BIRC6: variants seen among roughly 807,000 people sequenced by gnomAD.
BIRC6 encodes the protein baculoviral IAP repeat containing 6.
In BIRC6, 98 loss-of-function variants were observed where a neutral mutation model predicts 503.3. That is an observed-to-expected ratio of 0.19 (90% CI 0.17 to 0.23). The LOEUF is 0.23. Among genes scored for constraint, BIRC6 ranks in the 10% least tolerant of loss-of-function variants. BIRC6 has a pLI of 1.00. For synonymous variants in BIRC6, 2,240 were observed against 2,078.7 expected (o/e 1.08, Z -2.11); for missense variants, 5,360 against 5,806.0 (o/e 0.92, Z 2.50).
intron 61 of BIRC6, chr2:32,532,347 G>A: frequency 2.3e-6 from 1 of 436,108 alleles, no homozygotes; most frequent in South Asian, 1.7e-5. Context: ...AGGCTGTAGG[G>A]AAGACTCCTT....
At chr2:32,531,051 T>C (rs770373253) in intron 60 of BIRC6, among the ~76,000 whole-genome samples, 2 of 152,188 alleles carry the variant, frequency 1.3e-5, no homozygotes, top group Non-Finnish European at 2.9e-5. Flanking sequence ...TTCAGTATGC[T>C]TACAAATGAC....
Position 32,602,990 on chromosome 2 carries a change from T to G in BIRC6, c.13993-16T>G. 2 of 1,593,496 alleles carry G rather than the reference T, an allele frequency of 1.3e-6. No individual in the cohort carries two copies. The highest frequency in any genetic ancestry group is 1.7e-4 in the Middle Eastern group (1 of 5,974). On this transcript the variant is annotated splice_polypyrimidine_tract_variant and intron_variant, in intron 70 of 73. Coordinates refer to ENST00000421745, the MANE Select transcript of BIRC6 (RefSeq NM_016252.4). ...ACTCTTTTTTCAATTCTGTTTATGCTTTTTTCGTTCGTCAGGTTTGTTTAA... is the reference window on the plus strand; with the variant it reads ...ACTCTTTTTTCAATTCTGTTTATGCGTTTTTCGTTCGTCAGGTTTGTTTAA...
chr2:32,438,652 T>G (rs935851255), intron 15 of BIRC6, among the ~76,000 whole-genome samples: 2 of 150,384 alleles, frequency 1.3e-5, no homozygotes, highest in African/African-American at 4.9e-5. Context: ...CTCCGCCTCC[T>G]GGGTTCACGC....
At chr2:32,598,156 G>A (rs1162867247) in intron 69 of BIRC6, among the ~76,000 whole-genome samples, 188 bp downstream of exon 69, 1 of 121,270 alleles carries the variant, frequency 8.2e-6, no homozygotes, top group Non-Finnish European at 1.6e-5. Context: ...TTTGGCGACA[G>A]GATCTCACTT....
intron 26 of BIRC6, among the ~76,000 whole-genome samples, 153 bp downstream of exon 26, chr2:32,465,317 C>T (rs756783828): frequency 2.1e-5 from 3 of 140,948 alleles, no homozygotes; most frequent in Non-Finnish European, 4.5e-5. Flanking sequence ...CAAGAATAAG[C>T]ACTTACATGT....
At position 32,597,910 on chromosome 2, in the gene BIRC6, T is replaced by A; in HGVS notation, c.13772T>A (p.Leu4591Gln). ...GTGACGCTTTCAACCTCACTGCCTC[T>A]GTCTTCATCCTCTAGTGTGTTTGTA... is the stretch of plus-strand genomic sequence containing the variant. ...EAVTLSTSLP[L>Q]SSSSSVFVRC... Residue 4591 changes from leucine to glutamine, a missense_variant, in exon 69 of 74, where the codon CTG becomes CAG. Around this residue, in one of 16 missense-constraint regions of BIRC6, gnomAD observed 477 missense variants for 574.4 expected, o/e 0.83. Coordinates refer to ENST00000421745, the MANE Select transcript of BIRC6 (RefSeq NM_016252.4). 6.2e-7 allele frequency: 1 copy of A among 1,613,848 alleles called. No individual in the cohort carries two copies. Among genetic ancestry groups the A allele is most frequent in the Non-Finnish European group, 8.5e-7 (1 of 1,179,890 alleles).
intron 1 of BIRC6, among the ~76,000 whole-genome samples, chr2:32,368,592 C>T (rs952254671): frequency 2.0e-5 from 3 of 152,090 alleles, no homozygotes; most frequent in Non-Finnish European, 4.4e-5. Context: ...AGTTCAAACT[C>T]TCTAACTCCC....
chr2:32,444,175 A>G (rs1292299963), intron 20 of BIRC6, among the ~76,000 whole-genome samples: 2 of 152,102 alleles, frequency 1.3e-5, no homozygotes, highest in Admixed American at 6.5e-5. Context: ...ATAAATTAGT[A>G]TGAACATATG....
rs550154495 is a variant in BIRC6, at chr2:32,470,674, A to G, written c.6482-340A>G. On this transcript the variant is annotated intron_variant, in intron 31 of 73. Transcript: ENST00000421745. ...TTAGAACCTAGTTTAGTGCTATATG[A>G]ATTATAAGTTGAGAGTTAGATGTTT... Among the ~76,000 whole-genome samples, 3 of 152,330 alleles carry G rather than the reference A, an allele frequency of 2.0e-5. No individual in the cohort carries two copies. In the South Asian group the frequency reaches 6.2e-4, roughly 32 times the overall value.
rs367798716 is a variant in BIRC6, at chr2:32,605,075, G to T, written c.14070+1992G>T. Among the ~76,000 whole-genome samples, 8 of 151,926 alleles carry T rather than the reference G, an allele frequency of 5.3e-5. No homozygotes were observed. The East Asian group carries it at 1.2e-3, about 22-fold the overall frequency. On this transcript the variant is annotated intron_variant, in intron 71 of 73. Coordinates refer to ENST00000421745, the MANE Select transcript of BIRC6 (RefSeq NM_016252.4). ...TTTTTGTATTTTTAGTAGAGACAGG[G>T]TTTCACCATGTTGACCAGGATGGCC...
chr2:32,521,204 T>A (rs1376541486), intron 57 of BIRC6, among the ~76,000 whole-genome samples: 1 of 151,834 alleles, frequency 6.6e-6, no homozygotes, highest in Non-Finnish European at 1.5e-5. Context: ...TCAACATGTA[T>A]AAGAATAAGT....
chr2:32,553,689 G>A (rs947603277), intron 65 of BIRC6, among the ~76,000 whole-genome samples: 2 of 151,878 alleles, frequency 1.3e-5, no homozygotes, highest in African/African-American at 4.8e-5. Flanking sequence ...CCACAACCCA[G>A]CCTGTAAATG....
chr2:32,412,319 A>G (rs936952336), intron 9 of BIRC6, among the ~76,000 whole-genome samples: 5 of 152,112 alleles, frequency 3.3e-5, no homozygotes, highest in African/African-American at 4.8e-5. Context: ...CAACATGGTG[A>G]AAACCCATCT....
At chr2:32,393,629 C>G (rs1325410577) in intron 5 of BIRC6, among the ~76,000 whole-genome samples, 1 of 152,196 alleles carries the variant, frequency 6.6e-6, no homozygotes, top group Non-Finnish European at 1.5e-5. Flanking sequence ...AAACAATTCT[C>G]CCACCTTAGC....
chr2:32,367,518 C>T (rs2035131844), intron 1 of BIRC6, among the ~76,000 whole-genome samples: 1 of 151,708 alleles, frequency 6.6e-6, no homozygotes, highest in South Asian at 2.1e-4. Flanking sequence ...TGGGACAGCG[C>T]TGTTAAAAAA....
intron 57 of BIRC6, among the ~76,000 whole-genome samples, chr2:32,520,165 A>C (rs868127382): frequency 2.0e-5 from 3 of 152,230 alleles, no homozygotes; most frequent in South Asian, 4.1e-4. Context: ...TAAAAATACA[A>C]ATCTAAAGCC....
chr2:32,465,864 C>T (rs188491014), intron 26 of BIRC6, among the ~76,000 whole-genome samples: 5 of 152,146 alleles, frequency 3.3e-5, no homozygotes, highest in East Asian at 3.9e-4. Context: ...GTTGTTTCCT[C>T]TTTGTAAGAG....
intron 50 of BIRC6, among the ~76,000 whole-genome samples, chr2:32,506,669 T>C (rs771741541): frequency 6.6e-5 from 10 of 152,248 alleles, no homozygotes; most frequent in Non-Finnish European, 1.5e-4. Context: ...TTGGTTTAGG[T>C]GTTCCCTACT....
intron 40 of BIRC6, among the ~76,000 whole-genome samples, 172 bp from the exon 41 acceptor site, chr2:32,487,475 C>G (rs772266113): frequency 6.6e-6 from 1 of 152,088 alleles, no homozygotes; most frequent in African/African-American, 2.4e-5. Context: ...TTTTTACTTT[C>G]AAGTAATGTT....
Sources: allele counts gnomAD v4.1 joint callset (sites outside exome capture counted in the v4.1 genomes callset), GRCh38; gene constraint gnomAD v4.1.1; regional missense constraint gnomAD v4.1.1; transcripts MANE v1.5; gene names NCBI Gene and HGNC (gene_info 2026-07-23, HGNC 2026-07-21).